Variants in HNF4G observed in about 807,000 individuals in gnomAD.
HNF4G encodes the protein hepatocyte nuclear factor 4-gamma.
In HNF4G, 21 loss-of-function variants were observed where a neutral mutation model predicts 50.9. That is an observed-to-expected ratio of 0.41 (90% CI 0.29 to 0.59). The LOEUF (loss-of-function observed/expected upper bound fraction) is 0.59, where lower values mean the gene tolerates loss of function less well. Among genes scored for constraint, HNF4G ranks in the 20% least tolerant of loss-of-function variants. The probability of loss-of-function intolerance (pLI) is 0.26; values close to 1 mark genes in which losing one functional copy is unlikely to be tolerated. For missense variants in HNF4G, 527 were observed against 559.4 expected, an observed-to-expected ratio of 0.94 and a Z score of 0.58; for synonymous variants, 198 against 185.6, an observed-to-expected ratio of 1.07 and a Z score of -0.54.
Position 75,551,398 on chromosome 8 carries a change from T to A in HNF4G, c.393T>A (p.Asn131Lys), listed in dbSNP as rs1003932408. The change falls in exon 4 of 10, where the codon AAT becomes AAA. Residue 131 changes from asparagine to lysine, a missense_variant. Physicochemically the swap from Asn to Lys is moderately conservative, Grantham distance 94 (BLOSUM62 0). Around this residue, in one of 5 missense-constraint regions of HNF4G, gnomAD observed 128 missense variants for 135.3 expected, o/e 0.95. Transcript: ENST00000396423. The stretch of plus-strand genomic sequence containing the variant: ...GTTTTTTCCCCCTAGCTGTACAAAA[T>A]GAACGTGACAGAATAAGCACCAGAA... ...RAGMKKEAVQ[N>K]ERDRISTRRS... The A allele has an allele frequency of 6.2e-7, 1 of 1,606,144 alleles. No homozygotes were observed. The highest frequency in any genetic ancestry group is 8.5e-7 in the Non-Finnish European group (1 of 1,173,172).
intron 2 of HNF4G, among the ~76,000 whole-genome samples, chr8:75,496,380 CTCAGTGGATGTTACATTAACT>C (rs1480131254): frequency 2.0e-5 from 3 of 151,744 alleles, no homozygotes; most frequent in Non-Finnish European, 4.4e-5. Context: ...TTTTTTTCAA[CTCAGTGGATGTTACATTAACT>C]TCATGGCACT....
intron 1 of HNF4G, among the ~76,000 whole-genome samples, chr8:75,482,835 A>G (rs1350519533): frequency 6.6e-6 from 1 of 152,218 alleles, no homozygotes; most frequent in African/African-American, 2.4e-5. Flanking sequence ...ACAAAATTTG[A>G]CACAGTCATA....
At chr8:75,457,767 A>G (rs1287435519) in intron 1 of HNF4G, among the ~76,000 whole-genome samples, 1 of 151,880 alleles carries the variant, frequency 6.6e-6, no homozygotes, top group Non-Finnish European at 1.5e-5. Flanking sequence ...GCATAAAGAT[A>G]TTTTTCTCAT....
chr8:75,498,911 T>A (rs1234131068), intron 2 of HNF4G, among the ~76,000 whole-genome samples: 3 of 152,034 alleles, frequency 2.0e-5, no homozygotes, highest in African/African-American at 7.2e-5. Flanking sequence ...ATAAAGTATA[T>A]TTATGGCAAA....
At position 75,450,202 on chromosome 8, in the gene HNF4G, G is replaced by A. The variant is rs182932235; in HGVS notation, c.-143-39887G>A. Among the ~76,000 whole-genome samples, 98 of 152,210 alleles carry A rather than the reference G, an allele frequency of 6.4e-4. No individual in the cohort carries two copies. The East Asian group carries it at 9.1e-3, about 14-fold the overall frequency. The stretch of plus-strand genomic sequence containing the variant: ...TGATAAAATTTTAATTTTTAAGGCC[G>A]AATAATATTCAATTGTGTATGTATT... On this transcript the variant is annotated intron_variant, in intron 1 of 10. Transcript: ENST00000354370.
intron 3 of HNF4G, among the ~76,000 whole-genome samples, chr8:75,550,135 A>C (rs1448355492): frequency 1.3e-5 from 2 of 152,182 alleles, no homozygotes; most frequent in Non-Finnish European, 2.9e-5. Context: ...GCATACTTGC[A>C]GAAAAAAAAT....
chr8:75,460,402 C>G (rs34482666), intron 1 of HNF4G, among the ~76,000 whole-genome samples: 7,644 of 152,194 alleles, frequency 0.05, 266 homozygotes, highest in Non-Finnish European at 0.072. Context: ...ATTAACCTTC[C>G]AAACCAGCTG....
At chr8:75,469,480 A>AT (rs1275536202) in intron 1 of HNF4G, among the ~76,000 whole-genome samples, 4 of 152,198 alleles carry the variant, frequency 2.6e-5, no homozygotes, top group Admixed American at 6.5e-5. Flanking sequence ...TTCTCAGATG[A>AT]TTTTTTTAGA....
intron 2 of HNF4G, chr8:75,527,072 G>A (rs1806204923): frequency 6.6e-6 from 1 of 152,316 alleles, no homozygotes; most frequent in African/African-American, 2.4e-5. Context: ...CACCGCACCT[G>A]GCCCAACAAG....
intron 1 of HNF4G, among the ~76,000 whole-genome samples, chr8:75,452,400 C>T (rs568356329): frequency 6.6e-6 from 1 of 152,070 alleles, no homozygotes; most frequent in African/African-American, 2.4e-5. Flanking sequence ...CTTCACTTTC[C>T]AAATAAGTAT....
chr8:75,459,422 A>T (rs72658098), intron 1 of HNF4G, among the ~76,000 whole-genome samples: 1 of 152,228 alleles, frequency 6.6e-6, no homozygotes, highest in East Asian at 1.9e-4. Context: ...TCTGTGCTAT[A>T]CAAATAAACC....
intron 1 of HNF4G, among the ~76,000 whole-genome samples, chr8:75,441,649 T>C (rs767969221): frequency 2.0e-5 from 3 of 152,222 alleles, no homozygotes; most frequent in Non-Finnish European, 4.4e-5. Context: ...TTCAACATTA[T>C]CAAACTAGCG....
intron 2 of HNF4G, among the ~76,000 whole-genome samples, chr8:75,500,395 T>C (rs1340986962): frequency 1.3e-5 from 2 of 152,116 alleles, no homozygotes; most frequent in African/African-American, 2.4e-5. Context: ...TGTGGAGAAA[T>C]TGAAATCTCA....
chr8:75,449,128 G>A (rs149057167), intron 1 of HNF4G, among the ~76,000 whole-genome samples: 1 of 152,138 alleles, frequency 6.6e-6, no homozygotes, highest in Non-Finnish European at 1.5e-5. Flanking sequence ...CCTGGTCTAG[G>A]TTGGATGGTA....
chr8:75,552,000 C>A (rs886690729), intron 4 of HNF4G, among the ~76,000 whole-genome samples: 1 of 151,994 alleles, frequency 6.6e-6, no homozygotes, highest in Non-Finnish European at 1.5e-5. Context: ...TCTCAAATAA[C>A]AGTTCTACAG....
intron 1 of HNF4G, among the ~76,000 whole-genome samples, chr8:75,454,477 G>A (rs182983508): frequency 1.3e-5 from 2 of 152,250 alleles, no homozygotes; most frequent in East Asian, 3.9e-4. Flanking sequence ...CTAATAGTAA[G>A]CACACAGTAG....
At chr8:75,426,860 G>A (rs1481458591) in intron 1 of HNF4G, among the ~76,000 whole-genome samples, 1 of 152,194 alleles carries the variant, frequency 6.6e-6, no homozygotes, top group African/African-American at 2.4e-5. Flanking sequence ...GAGTATTACA[G>A]TCGCTTGTTA....
At chr8:75,424,762 A>G (rs866353511) in intron 1 of HNF4G, among the ~76,000 whole-genome samples, 1 of 152,158 alleles carries the variant, frequency 6.6e-6, no homozygotes, top group Non-Finnish European at 1.5e-5. Context: ...TGGTATATAT[A>G]TATGCCATAT....
chr8:75,545,229 TTAAAA>T (rs1806738327), intron 2 of HNF4G, among the ~76,000 whole-genome samples: 1 of 126,248 alleles, frequency 7.9e-6, no homozygotes, highest in Non-Finnish European at 1.7e-5. Flanking sequence ...AGGTGCTCTG[TTAAAA>T]TTGAATGTGT....
Sources: allele counts gnomAD v4.1 joint callset (sites outside exome capture counted in the v4.1 genomes callset), GRCh38; gene constraint gnomAD v4.1.1; regional missense constraint gnomAD v4.1.1; transcripts MANE v1.5; gene names NCBI Gene and HGNC (gene_info 2026-07-23, HGNC 2026-07-21).